The following XRCC5 variants were observed in gnomAD, a reference collection of about 807,000 sequenced individuals.
XRCC5 encodes DNA repair protein Ku80.
XRCC5 carries 12 observed loss-of-function variants against 95.7 expected under a neutral mutation model. The ratio of observed to expected loss-of-function variants is 0.13; its 90% CI spans 0.08 to 0.20. XRCC5 has a LOEUF of 0.20. XRCC5 is among the 10% of genes least tolerant of loss of function. The probability of loss-of-function intolerance (pLI) is 1.00; values close to 1 mark genes in which losing one functional copy is unlikely to be tolerated. For missense variants in XRCC5, 595 were observed against 873.9 expected (o/e 0.68, Z 4.02); for synonymous variants, 281 against 290.3 (o/e 0.97, Z 0.33).
chr2:216,159,937 C>A, intron 14 of XRCC5, 131 bp from the exon 15 acceptor site: 1 of 555,046 alleles, frequency 1.8e-6, no homozygotes, highest in Non-Finnish European at 3.0e-6. Flanking sequence ...TTTTCTTTTT[C>A]TTCTTCATTA....
intron 18 of XRCC5, among the ~76,000 whole-genome samples, chr2:216,194,586 G>A (rs1218696976): frequency 6.6e-6 from 1 of 152,192 alleles, no homozygotes; most frequent in African/African-American, 2.4e-5. Flanking sequence ...GCAAAAACTG[G>A]AGAAAAGATA....
intron 11 of XRCC5, among the ~76,000 whole-genome samples, 173 bp from the exon 12 acceptor site, chr2:216,137,916 G>A (rs1426414011): frequency 6.6e-6 from 1 of 152,184 alleles, no homozygotes; most frequent in African/African-American, 2.4e-5. Flanking sequence ...ACTGTTTGCA[G>A]TTGTGAACAG....
intron 14 of XRCC5, among the ~76,000 whole-genome samples, chr2:216,149,110 C>A (rs1688695237): frequency 6.6e-6 from 1 of 151,948 alleles, no homozygotes; most frequent in East Asian, 1.9e-4. Context: ...TTTTTCTCTC[C>A]ACAACTATCT....
At chr2:216,131,865 T>C (rs1460573688) in intron 9 of XRCC5, among the ~76,000 whole-genome samples, 1 of 152,248 alleles carries the variant, frequency 6.6e-6, no homozygotes. Flanking sequence ...AGACTTCTAT[T>C]GATACTGTTT....
At position 216,194,929 on chromosome 2, in the gene XRCC5, T is replaced by C. The variant is rs1689686870; in HGVS notation, c.2052T>C (p.Thr684=). Residue 684 remains threonine, a synonymous_variant, in exon 19 of 21, where the codon ACT becomes ACC. Transcript: ENST00000392132. The part of the protein sequence containing the change: ...FWEIVVQDGI[T]LITKEEASGS... Reference sequence around the variant, plus strand: ...TGAATTACTTTTTAGATGGAATTACTCTGATCACCAAAGAGGAAGCCTCTG... The same window carrying C: ...TGAATTACTTTTTAGATGGAATTACCCTGATCACCAAAGAGGAAGCCTCTG... 1 of 1,614,062 alleles carries C rather than the reference T, an allele frequency of 6.2e-7. No homozygotes were observed. Among genetic ancestry groups the C allele is most frequent in the South Asian group, 1.1e-5 (1 of 91,088 alleles).
chr2:216,150,749 C>T (rs1431817579), intron 14 of XRCC5, among the ~76,000 whole-genome samples: 16 of 151,880 alleles, frequency 1.1e-4, no homozygotes, highest in Admixed American at 7.9e-4. Flanking sequence ...ATGAACTGGG[C>T]GTGGTGGTGT....
intron 16 of XRCC5, 136 bp downstream of exon 16, chr2:216,162,184 TGTTAGG>T (rs2106027877): frequency 1.2e-6 from 1 of 801,380 alleles, no homozygotes; most frequent in Non-Finnish European, 2.1e-6. Context: ...GGTTTTCCCT[TGTTAGG>T]GAGCTCACTG....
chr2:216,164,128 G>A (rs748269220), intron 16 of XRCC5, among the ~76,000 whole-genome samples: 3 of 152,284 alleles, frequency 2.0e-5, no homozygotes, highest in Admixed American at 6.5e-5. Flanking sequence ...CAGGGTGCTC[G>A]GAAAGTGGCG....
chr2:216,128,486 A>C (rs1696930413), intron 8 of XRCC5, among the ~76,000 whole-genome samples: 1 of 152,190 alleles, frequency 6.6e-6, no homozygotes, highest in Non-Finnish European at 1.5e-5. Context: ...GATGGATTAT[A>C]TGTAGAATAT....
At chr2:216,201,371 G>A (rs1689830864) in intron 19 of XRCC5, among the ~76,000 whole-genome samples, 1 of 152,228 alleles carries the variant, frequency 6.6e-6, no homozygotes, top group Admixed American at 6.5e-5. Context: ...TGGAAGTCAT[G>A]TGTTTTTACT....
At chr2:216,170,645 C>T (rs1689146965) in intron 16 of XRCC5, among the ~76,000 whole-genome samples, 1 of 152,154 alleles carries the variant, frequency 6.6e-6, no homozygotes, top group Non-Finnish European at 1.5e-5. Flanking sequence ...GACACAAATC[C>T]AAACCATATC....
chr2:216,192,290 G>A (rs1689627963), intron 17 of XRCC5, among the ~76,000 whole-genome samples: 1 of 152,150 alleles, frequency 6.6e-6, no homozygotes, highest in African/African-American at 2.4e-5. Context: ...CAACATGCTC[G>A]GCCTGAGTTG....
At position 216,138,069 on chromosome 2, in the gene XRCC5, C is replaced by T. The variant is rs781584090; in HGVS notation, c.1252-20C>T. On this transcript the variant is annotated intron_variant, in intron 11 of 20. Transcript: ENST00000392132. ...ATTAATTTCATCGTTTCTGCTTTTACCCCCTTTCTTTCTCATTAGTGTTTA... is the reference window on the plus strand; with the variant it reads ...ATTAATTTCATCGTTTCTGCTTTTATCCCCTTTCTTTCTCATTAGTGTTTA... 46 of 1,567,810 alleles carry T rather than the reference C, an allele frequency of 2.9e-5. No homozygotes were observed. The highest frequency in any genetic ancestry group is 3.8e-5 in the Non-Finnish European group (44 of 1,149,352).
chr2:216,170,428 A>G (rs1689139229), intron 16 of XRCC5, among the ~76,000 whole-genome samples: 1 of 152,210 alleles, frequency 6.6e-6, no homozygotes, highest in African/African-American at 2.4e-5. Context: ...AGATGAGCCC[A>G]GAGTCCATTC....
At chr2:216,192,479 C>G (rs1386256148) in intron 17 of XRCC5, among the ~76,000 whole-genome samples, 160 bp from the exon 18 acceptor site, 1 of 152,144 alleles carries the variant, frequency 6.6e-6, no homozygotes, top group Non-Finnish European at 1.5e-5. Flanking sequence ...AGTGAACACA[C>G]CTCAGTTTGG....
chr2:216,194,912 T>A lies in XRCC5; in HGVS notation c.2042-7T>A. 3.1e-6 allele frequency: 5 copies of A among 1,613,846 alleles called. No homozygotes were observed. The highest frequency in any genetic ancestry group is 3.4e-6 in the Non-Finnish European group (4 of 1,179,762). ...GTTTTGATTTTACTCTCTGAATTAC[T>A]TTTTAGATGGAATTACTCTGATCAC... On this transcript the variant is annotated splice_polypyrimidine_tract_variant and splice_region_variant and intron_variant, in intron 18 of 20. Coordinates refer to ENST00000392132, the MANE Select transcript of XRCC5 (RefSeq NM_021141.4).
chr2:216,172,843 A>G (rs1689194834), intron 16 of XRCC5, among the ~76,000 whole-genome samples: 1 of 152,152 alleles, frequency 6.6e-6, no homozygotes, highest in Non-Finnish European at 1.5e-5. Flanking sequence ...AGTTAAGGGA[A>G]AATTGCCATT....
intron 20 of XRCC5, 40 bp downstream of exon 20, chr2:216,204,436 A>G (rs1345808159): frequency 3.1e-6 from 5 of 1,607,064 alleles, no homozygotes; most frequent in East Asian, 2.2e-5. Flanking sequence ...CTATGATTGA[A>G]GTCACCTGAG....
At chr2:216,115,952 G>A (rs1418332111) in intron 2 of XRCC5, among the ~76,000 whole-genome samples, 3 of 151,520 alleles carry the variant, frequency 2.0e-5, no homozygotes, top group African/African-American at 4.8e-5. Context: ...TAAATACTTA[G>A]TATTGTATAA....
Sources: gnomAD v4.1 joint callset for allele counts (sites outside exome capture counted in the v4.1 genomes callset) on GRCh38, gnomAD v4.1.1 for gene constraint, MANE v1.5 for transcripts, NCBI Gene and HGNC (gene_info 2026-07-23, HGNC 2026-07-21) for gene names.